ABCG2: variants seen among roughly 807,000 people sequenced by gnomAD.
ABCG2 encodes ATP binding cassette subfamily G member 2 (JR blood group).
A neutral mutation model predicts 73.5 loss-of-function variants in ABCG2; 80 were observed. The ratio of observed to expected loss-of-function variants is 1.09; its 90% CI spans 0.91 to 1.31. The LOEUF is 1.31. Ranked by LOEUF, ABCG2 falls within the 50% of genes most tolerant of loss-of-function variation. The pLI, the probability that ABCG2 is intolerant of heterozygous loss-of-function variation, is 0.00. For missense variants in ABCG2, 796 were observed against 786.2 expected, an observed-to-expected ratio of 1.01 and a Z score of -0.15; for synonymous variants, 269 against 282.4, an observed-to-expected ratio of 0.95 and a Z score of 0.48.
In ABCG2 at chr4:88,150,413, G is replaced by C. The variant is rs367899264; in HGVS notation, c.-20+7973C>G. 1.8e-4 allele frequency among the ~76,000 whole-genome samples: 28 copies of C among 152,332 alleles called. No homozygotes were observed. In the East Asian group the frequency reaches 4.1e-3, roughly 22 times the overall value. ...GGTCGAAGGAACAGCAAAGAGGCCA[G>C]TGAGGCTGAAGCAGAGTGAGGGAGG... On this transcript the variant is annotated intron_variant, in intron 1 of 15. Coordinates refer to ENST00000237612, the MANE Select transcript of ABCG2 (RefSeq NM_004827.3).
chr4:88,205,904 A>G (rs1292050714), intron 1 of ABCG2, among the ~76,000 whole-genome samples: 6 of 152,164 alleles, frequency 3.9e-5, no homozygotes, highest in African/African-American at 1.4e-4. Context: ...GATGGTCTCG[A>G]TCTCTTGACC....
At position 88,125,093 on chromosome 4, in the gene ABCG2, C is replaced by T. The variant is rs1333055666; in HGVS notation, c.532-3301G>A. On this transcript the variant is annotated intron_variant, in intron 5 of 15. Transcript: ENST00000237612. ...GGATCTTGAAGTCAGGAGATCAAGA[C>T]CATCCTGGCTAACACGGTGAAACCC... Among the ~76,000 whole-genome samples the T allele has an allele frequency of 2.0e-5, 3 of 151,460 alleles. No individual in the cohort carries two copies. The East Asian group carries it at 5.8e-4, about 29-fold the overall frequency.
At chr4:88,219,749 T>A (rs1729945852) in intron 1 of ABCG2, among the ~76,000 whole-genome samples, 1 of 146,174 alleles carries the variant, frequency 6.8e-6, no homozygotes, top group African/African-American at 2.5e-5. Flanking sequence ...GCCTGGCTAT[T>A]TTTTTTTTTT....
upstream of ABCG2, chr4:88,159,281 G>A: frequency 2.2e-6 from 1 of 453,722 alleles, no homozygotes; most frequent in Non-Finnish European, 4.4e-6. Flanking sequence ...CGCACAGGTT[G>A]CCCAGTCACA....
intron 2 of ABCG2, among the ~76,000 whole-genome samples, chr4:88,132,887 AG>A (rs1307677645): frequency 6.6e-6 from 1 of 152,028 alleles, no homozygotes; most frequent in Non-Finnish European, 1.5e-5. Flanking sequence ...TGGGCAACAT[AG>A]GGAGACACTG....
chr4:88,159,390 C>T, upstream of ABCG2: 1 of 353,838 alleles, frequency 2.8e-6, no homozygotes, highest in South Asian at 2.1e-5. Context: ...AAAAATCAGG[C>T]ACTGAATCTA....
At chr4:88,121,572 G>A (rs1051975601) in intron 6 of ABCG2, 63 bp downstream of exon 6, 43 of 1,462,942 alleles carry the variant, frequency 2.9e-5, no homozygotes, top group Non-Finnish European at 3.9e-5. Context: ...CCTGCCCCAA[G>A]AATATCTGGG....
At chr4:88,161,943 T>C (rs1175471836), upstream of ABCG2, among the ~76,000 whole-genome samples, 21 of 149,366 alleles carry the variant, frequency 1.4e-4, no homozygotes, top group African/African-American at 3.5e-4. Flanking sequence ...CATTTCTTCA[T>C]GTGTTTTTTG....
Position 88,097,480 on chromosome 4 carries a change from G to T in ABCG2, c.1620C>A (p.Leu540=). 5.0e-6 allele frequency: 8 copies of T among 1,614,126 alleles called. No individual in the cohort carries two copies. The highest frequency in any genetic ancestry group is 5.1e-6 in the Non-Finnish European group (6 of 1,179,986). ...TCATAAACACAAAACAGATGGTCAT[G>T]AGAAGTGTTGCTACAGAAACCACAC... The part of the protein sequence containing the change: ...GQSVVSVATL[L]MTICFVFMMI... The change falls in exon 13 of 16, where the codon CTC becomes CTA. Residue 540 remains leucine (L), a synonymous_variant. Transcript: ENST00000237612.
At chr4:88,197,797 T>C (rs1225103564) in intron 1 of ABCG2, among the ~76,000 whole-genome samples, 1 of 151,734 alleles carries the variant, frequency 6.6e-6, no homozygotes. Flanking sequence ...AGTAAGACCC[T>C]GTCTCAAAAA....
upstream of ABCG2, chr4:88,163,735 G>A (rs1727404995): frequency 2.4e-6 from 1 of 412,288 alleles, no homozygotes; most frequent in Non-Finnish European, 4.9e-6. Context: ...CCGGAAATTT[G>A]CCATGAAGGA....
chr4:88,182,242 A>G (rs1345373181), intron 1 of ABCG2, among the ~76,000 whole-genome samples: 1 of 152,172 alleles, frequency 6.6e-6, no homozygotes, highest in African/African-American at 2.4e-5. Flanking sequence ...GCAGCACCCA[A>G]ATATATAAAG....
At position 88,176,477 on chromosome 4, in the gene ABCG2, C is replaced by CTTTTTTT. The variant is rs34754034; in HGVS notation, c.-19-36470_-19-36464dup. Among the ~76,000 whole-genome samples, 3 of 84,858 alleles carry CTTTTTTT rather than the reference C, an allele frequency of 3.5e-5. 1 individual carries two copies. Among genetic ancestry groups the CTTTTTTT allele is most frequent in the African/African-American group, 9.0e-5 (2 of 22,182 alleles). 55.7% of individuals were successfully genotyped at this position (84,858 alleles called of 152,430 possible). On this transcript the variant is annotated intron_variant, in intron 1 of 15. Transcript: ENST00000515655. ...TACAGTAATGAAACCAAAGAGAATG[C>CTTTTTTT]TTTTTTTTTTTTTTTTTTTTTGTGA...
intron 1 of ABCG2, among the ~76,000 whole-genome samples, chr4:88,207,062 T>G (rs1197895105): frequency 6.6e-6 from 1 of 152,202 alleles, no homozygotes; most frequent in Non-Finnish European, 1.5e-5. Context: ...CCCGAAGTGC[T>G]AGGATTACAA....
intron 12 of ABCG2, among the ~76,000 whole-genome samples, chr4:88,098,968 G>A (rs922656174): frequency 6.6e-6 from 1 of 151,946 alleles, no homozygotes; most frequent in African/African-American, 2.4e-5. Flanking sequence ...ATCTTTCTGT[G>A]TGCCGGTAGT....
chr4:88,099,258 G>A lies in ABCG2; in HGVS notation c.1492+66C>T, dbSNP rs1468340135. 5.6e-6 allele frequency: 8 copies of A among 1,427,154 alleles called. No individual in the cohort carries two copies. The African/African-American group carries it at 1.2e-4, about 21-fold the overall frequency. 88.4% of individuals were successfully genotyped at this position (1,427,154 alleles called of 1,614,324 possible). ...TGAGAACCAAAAATATGCTTGCAAG[G>A]TGCAACTGACTTCACCCATAGGCAA... On this transcript the variant is annotated intron_variant, in intron 12 of 15. Transcript: ENST00000237612.
At chr4:88,107,108 CAA>C in intron 10 of ABCG2, 74 bp downstream of exon 10, 11 of 1,135,814 alleles carry the variant, frequency 9.7e-6, no homozygotes, top group Non-Finnish European at 1.2e-5. Flanking sequence ...GTCTTAAATT[CAA>C]ATTCTTAATG....
At chr4:88,119,113 C>T (rs764210372) in intron 6 of ABCG2, among the ~76,000 whole-genome samples, 6 of 152,148 alleles carry the variant, frequency 3.9e-5, no homozygotes, top group African/African-American at 7.2e-5. Flanking sequence ...ATACTGTTCT[C>T]GTGGTACTGA....
chr4:88,113,425 T>C lies in ABCG2; in HGVS notation c.1072A>G (p.Lys358Glu), dbSNP rs1578187943. The change falls in exon 9 of 16, where the codon AAG becomes GAG. Residue 358 changes from lysine to glutamate, a missense_variant. Lys to Glu is a moderately conservative substitution (Grantham distance 56, BLOSUM62 1). Coordinates refer to ENST00000237612, the MANE Select transcript of ABCG2 (RefSeq NM_004827.3). Reference protein sequence around the residue: ...ELHQLSGGEKKKKITVFKEIS... With the variant: ...ELHQLSGGEKEKKITVFKEIS... ...TCCTTGAAGACTGTGATCTTCTTCT[T>C]CTTCTCACCCCCGGAAAGTTGATGT... 6.2e-7 allele frequency: 1 copy of C among 1,614,176 alleles called. No homozygotes were observed. The highest frequency in any genetic ancestry group is 1.3e-5 in the African/African-American group (1 of 75,048).
Sources: allele counts gnomAD v4.1 joint callset (sites outside exome capture counted in the v4.1 genomes callset), GRCh38; gene constraint gnomAD v4.1.1; transcripts MANE v1.5; gene names NCBI Gene and HGNC (gene_info 2026-07-23, HGNC 2026-07-21).